The following SLC9A9 variants were observed in gnomAD, a reference collection of about 807,000 sequenced individuals.
SLC9A9 encodes solute carrier family 9 member A9, also known as sodium/hydrogen exchanger 9.
A neutral mutation model predicts 77.8 loss-of-function variants in SLC9A9; 62 were observed. That is an observed-to-expected ratio of 0.80 (90% confidence interval 0.65 to 0.98). The LOEUF is 0.98. Among genes scored for constraint, SLC9A9 ranks in the 50% least tolerant of loss-of-function variants. SLC9A9 has a pLI of 0.00. For synonymous variants in SLC9A9, 320 were observed against 283.5 expected (o/e 1.13, Z -1.29); for missense variants, 775 against 774.9 (o/e 1.00, Z 0.00).
At position 143,831,958 on chromosome 3, in the gene SLC9A9, CA is replaced by C; in HGVS notation, c.378+60del. On this transcript the variant is annotated intron_variant, in intron 2 of 15. Transcript: ENST00000316549. ...GCATTATATAAAAAGTATAAAGGCTCAAATATGATACAATTATTTATACTGT... is the reference window on the plus strand; with the variant it reads ...GCATTATATAAAAAGTATAAAGGCTCAATATGATACAATTATTTATACTGT... 4 of 1,463,322 alleles carry C rather than the reference CA, an allele frequency of 2.7e-6. No individual in the cohort carries two copies. The South Asian group carries it at 4.8e-5, about 17-fold the overall frequency. 90.6% of individuals were successfully genotyped at this position (1,463,322 alleles called of 1,614,324 possible).
At chr3:143,616,393 A>G (rs763735335) in intron 6 of SLC9A9, among the ~76,000 whole-genome samples, 6 of 152,136 alleles carry the variant, frequency 3.9e-5, no homozygotes, top group African/African-American at 9.7e-5. Flanking sequence ...ACATCCCCAA[A>G]CACCAAAAAC....
chr3:143,809,537 G>A (rs1359609382), intron 2 of SLC9A9, among the ~76,000 whole-genome samples: 1 of 152,194 alleles, frequency 6.6e-6, no homozygotes, highest in African/African-American at 2.4e-5. Flanking sequence ...AATTCCACAT[G>A]TCATTCTCCC....
At chr3:143,758,817 T>G (rs76582458) in intron 4 of SLC9A9, among the ~76,000 whole-genome samples, 3,657 of 152,184 alleles carry the variant, frequency 0.024, 144 homozygotes, top group African/African-American at 0.079. Context: ...GGCATTTGAA[T>G]GTAATGTCTA....
intron 12 of SLC9A9, among the ~76,000 whole-genome samples, chr3:143,392,517 C>T (rs1193079766): frequency 2.6e-5 from 4 of 151,364 alleles, no homozygotes; most frequent in Admixed American, 6.6e-5. Flanking sequence ...TAAAGACCAT[C>T]GAGGCTAGGA....
At chr3:143,643,296 G>T (rs1301761216) in intron 6 of SLC9A9, among the ~76,000 whole-genome samples, 22 of 152,158 alleles carry the variant, frequency 1.4e-4, no homozygotes, top group Non-Finnish European at 2.9e-4. Flanking sequence ...TATCACAACT[G>T]CCCAGGCTAG....
At chr3:143,673,815 T>C (rs1027668908) in intron 5 of SLC9A9, among the ~76,000 whole-genome samples, 8 of 152,138 alleles carry the variant, frequency 5.3e-5, no homozygotes, top group African/African-American at 1.9e-4. Flanking sequence ...ATAGTAGCTA[T>C]TACAAAAAGC....
chr3:143,458,632 G>A (rs1198665778), intron 12 of SLC9A9, among the ~76,000 whole-genome samples: 5 of 151,992 alleles, frequency 3.3e-5, no homozygotes, highest in Admixed American at 2.6e-4. Flanking sequence ...TACAGTATGA[G>A]TATATAATTT....
intron 6 of SLC9A9, among the ~76,000 whole-genome samples, chr3:143,611,336 G>A (rs145917824): frequency 1.3e-5 from 2 of 152,012 alleles, no homozygotes; most frequent in African/African-American, 2.4e-5. Flanking sequence ...CCATAAGAAA[G>A]AGAAGAGAGA....
Position 143,646,992 on chromosome 3 carries a change from T to A in SLC9A9, c.755+5263A>T, listed in dbSNP as rs905421019. Among the ~76,000 whole-genome samples the A allele has an allele frequency of 6.6e-5, 10 of 152,352 alleles. No individual in the cohort carries two copies. The East Asian group carries it at 1.9e-3, about 29-fold the overall frequency. On this transcript the variant is annotated intron_variant, in intron 6 of 15. Transcript: ENST00000316549. ...TTGTCCATTTATGTTTCTTCTTTTG[T>A]TTATTAACTATTTATATCATTTGTC...
chr3:143,812,475 AAAAGAG>A, intron 2 of SLC9A9, among the ~76,000 whole-genome samples: 1 of 152,232 alleles, frequency 6.6e-6, no homozygotes, highest in African/African-American at 2.4e-5. Context: ...TTGTCAAGTC[AAAAGAG>A]CAAGGTGCAG....
At chr3:143,754,201 C>T (rs1210445434) in intron 4 of SLC9A9, among the ~76,000 whole-genome samples, 3 of 152,162 alleles carry the variant, frequency 2.0e-5, no homozygotes, top group African/African-American at 7.2e-5. Context: ...GAAAATATAG[C>T]AAAACATAAC....
intron 6 of SLC9A9, among the ~76,000 whole-genome samples, chr3:143,579,676 C>T (rs377304377): frequency 3.4e-4 from 52 of 152,178 alleles, no homozygotes; most frequent in African/African-American, 1.2e-3. Context: ...AAGAGTTTAG[C>T]AGTGGGTTTT....
At chr3:143,405,730 G>C (rs373370482) in intron 12 of SLC9A9, among the ~76,000 whole-genome samples, 1 of 152,182 alleles carries the variant, frequency 6.6e-6, no homozygotes, top group Non-Finnish European at 1.5e-5. Flanking sequence ...GCTCTCTGAC[G>C]GGGAACAGGA....
At chr3:143,744,666 G>C (rs753630918) in intron 4 of SLC9A9, among the ~76,000 whole-genome samples, 8 of 152,024 alleles carry the variant, frequency 5.3e-5, no homozygotes, top group Non-Finnish European at 1.2e-4. Flanking sequence ...GTTTTAACAG[G>C]CTTCAAAAAT....
At chr3:143,420,427 A>G (rs1479260950) in intron 12 of SLC9A9, among the ~76,000 whole-genome samples, 2 of 152,214 alleles carry the variant, frequency 1.3e-5, no homozygotes, top group Non-Finnish European at 2.9e-5. Flanking sequence ...CAGAGCAGTC[A>G]TCTACCATCC....
chr3:143,777,311 A>G (rs1207933916), intron 4 of SLC9A9, among the ~76,000 whole-genome samples: 1 of 152,210 alleles, frequency 6.6e-6, no homozygotes. Context: ...CTAAGTATCA[A>G]ACTCTCTCTT....
chr3:143,491,278 C>T (rs1009438111), intron 11 of SLC9A9, among the ~76,000 whole-genome samples: 3 of 152,028 alleles, frequency 2.0e-5, no homozygotes, highest in African/African-American at 7.3e-5. Flanking sequence ...TAATTTCAAC[C>T]CCATTAATAT....
intron 9 of SLC9A9, among the ~76,000 whole-genome samples, chr3:143,531,522 T>C (rs1225748290): frequency 1.3e-5 from 2 of 152,224 alleles, no homozygotes; most frequent in African/African-American, 4.8e-5. Flanking sequence ...TATAGGAAGT[T>C]TGTCTTAAAA....
chr3:143,813,820 T>G (rs905632731), intron 2 of SLC9A9, among the ~76,000 whole-genome samples: 1 of 152,220 alleles, frequency 6.6e-6, no homozygotes, highest in African/African-American at 2.4e-5. Context: ...TCAGGCCATG[T>G]GAATGTATTA....
Sources: allele counts gnomAD v4.1 joint callset (sites outside exome capture counted in the v4.1 genomes callset), GRCh38; gene constraint gnomAD v4.1.1; transcripts MANE v1.5; gene names NCBI Gene and HGNC (gene_info 2026-07-23, HGNC 2026-07-21).